The following XYLT2 variants were observed in gnomAD, a reference collection of about 807,000 sequenced individuals.
XYLT2 encodes the protein xylosyltransferase 2.
XYLT2 carries 37 observed loss-of-function variants against 82.6 expected under a neutral mutation model. That is an observed-to-expected ratio of 0.45 (90% CI 0.34 to 0.59). The LOEUF (loss-of-function observed/expected upper bound fraction) is 0.59, where lower values mean the gene tolerates loss of function less well. Among genes scored for constraint, XYLT2 ranks in the 20% least tolerant of loss-of-function variants. The pLI is 0.01. For missense variants in XYLT2, 934 were observed against 1,181.3 expected (o/e 0.79, Z 3.07); for synonymous variants, 474 against 499.0 (o/e 0.95, Z 0.67).
chr17:50,357,339 TA>T (rs1479355611), intron 9 of XYLT2, 87 bp downstream of exon 9: 10 of 1,349,642 alleles, frequency 7.4e-6, no homozygotes, highest in Non-Finnish European at 9.8e-6. Flanking sequence ...AAGGGAGGGG[TA>T]AGGTTATTTT....
At position 50,354,414 on chromosome 17, in the gene XYLT2, T is replaced by C. The variant is rs1181052888; in HGVS notation, c.635T>C (p.Met212Thr). 6.2e-7 allele frequency: 1 copy of C among 1,607,128 alleles called. No homozygotes were observed. The highest frequency in any genetic ancestry group is 1.3e-5 in the African/African-American group (1 of 74,906). The stretch of plus-strand genomic sequence containing the variant: ...GCCTGTCCTCTGCTCTCAGGGAAGA[T>C]GAGCCCCGGCATCCAGTGGGATGAG... ...VPRHCQLTGK[M>T]SPGIQWDESQ... Residue 212 changes from methionine (M) to threonine (T), a missense_variant, in exon 3 of 11, where the codon ATG (methionine) becomes ACG (threonine). Met to Thr is a moderately conservative substitution (Grantham distance 81). Around this residue, in one of 3 missense-constraint regions of XYLT2, gnomAD observed 371 missense variants for 394.9 expected, o/e 0.94. Coordinates refer to ENST00000017003, the MANE Select transcript of XYLT2 (RefSeq NM_022167.4).
At chr17:50,358,053 G>C (rs1912626411) in intron 9 of XYLT2, 154 bp from the exon 10 acceptor site, 2 of 661,446 alleles carry the variant, frequency 3.0e-6, no homozygotes, top group East Asian at 5.5e-5. Context: ...GATATTAAAG[G>C]TCTCCTAGTC....
intron 3 of XYLT2, 34 bp from the exon 4 acceptor site, chr17:50,354,820 A>G: frequency 6.2e-7 from 1 of 1,609,868 alleles, no homozygotes; most frequent in Non-Finnish European, 8.5e-7. Flanking sequence ...TGGCGATAAC[A>G]CTGGAGGCTA....
In XYLT2 at chr17:50,360,203, A is replaced by G. The variant is rs1248526435; in HGVS notation, c.2510A>G (p.Glu837Gly). ...AIGPSPCPSL[E>G]PCRLTSWSSL... ...GGCCCCTCTCCCTGCCCCTCCCTGG[A>G]GCCCTGCAGACTGACCAGCTGGAGC... The change falls in exon 11 of 11, where the codon GAG becomes GGG. Residue 837 changes from glutamate to glycine, a missense_variant. By Grantham distance (98) the Glu-to-Gly change is moderately conservative (BLOSUM62 -2). This residue lies in a region of XYLT2 where 374 missense variants were observed against 465.6 expected (regional missense o/e 0.80). Coordinates refer to ENST00000017003, the MANE Select transcript of XYLT2 (RefSeq NM_022167.4). The G allele has an allele frequency of 6.2e-7, 1 of 1,614,028 alleles. No homozygotes were observed. The highest frequency in any genetic ancestry group is 8.5e-7 in the Non-Finnish European group (1 of 1,179,972).
chr17:50,351,024 GA>G (rs1296072471), intron 1 of XYLT2, among the ~76,000 whole-genome samples: 1 of 152,178 alleles, frequency 6.6e-6, no homozygotes, highest in Non-Finnish European at 1.5e-5. Context: ...CCTGGGTGGA[GA>G]AGGGGGCATC....
intron 1 of XYLT2, among the ~76,000 whole-genome samples, chr17:50,351,639 A>G (rs1912272433): frequency 6.6e-6 from 1 of 152,160 alleles, no homozygotes. Flanking sequence ...ATCTAAAAGA[A>G]AAAAAAATGA....
chr17:50,356,961 G>C, intron 8 of XYLT2, 96 bp from the exon 9 acceptor site: 1 of 1,472,284 alleles, frequency 6.8e-7, no homozygotes, highest in Non-Finnish European at 9.1e-7. Context: ...GAAAGGAAGT[G>C]CCTGGGGATG....
rs893386692 is a variant in XYLT2 at position 50,360,849 on chromosome 17, A to G, written c.*558A>G. ...GGCTCTAAGGCCCGAAGAACAGGTG[A>G]TATCGGGGGCGCTGCAGAGCTGGGC... On this transcript the variant is annotated 3_prime_UTR_variant, in exon 11 of 11. Transcript: ENST00000017003. 1.8e-5 allele frequency: 18 copies of G among 985,720 alleles called. No individual in the cohort carries two copies. Among genetic ancestry groups the G allele is most frequent in the African/African-American group, 5.2e-5 (3 of 57,188 alleles). The allele number at this position is 985,720 out of a possible 1,614,324, so 61.1% of individuals were successfully genotyped here. A position where few individuals can be genotyped will look rare whatever the true frequency, so the allele number is the denominator to read the frequency against.
In XYLT2 at chr17:50,354,542, G is replaced by T; in HGVS notation, c.763G>T (p.Val255Phe). The T allele has an allele frequency of 6.2e-7, 1 of 1,612,688 alleles. No individual in the cohort carries two copies. Among genetic ancestry groups the T allele is most frequent in the Non-Finnish European group, 8.5e-7 (1 of 1,179,576 alleles). The part of the protein sequence containing the change: ...IRQLKRLLKA[V>F]YHEQHFFYIH... ...CCAGCTGAAGCGTCTCCTCAAGGCCGTTTATCACGAGCAGCACTTCTTTTA... is the reference window on the plus strand; with the variant it reads ...CCAGCTGAAGCGTCTCCTCAAGGCCTTTTATCACGAGCAGCACTTCTTTTA... The change falls in exon 3 of 11, where the codon GTT becomes TTT. Residue 255 changes from valine to phenylalanine, a missense_variant. Coordinates refer to ENST00000017003, the MANE Select transcript of XYLT2 (RefSeq NM_022167.4).
chr17:50,348,778 C>T (rs1912140576), intron 1 of XYLT2, among the ~76,000 whole-genome samples: 1 of 152,202 alleles, frequency 6.6e-6, no homozygotes. Flanking sequence ...GGATTTTAAT[C>T]GCCTCCTTGG....
At chr17:50,358,185 C>A in intron 9 of XYLT2, 22 bp from the exon 10 acceptor site, 1 of 1,557,218 alleles carries the variant, frequency 6.4e-7, no homozygotes, top group Non-Finnish European at 8.7e-7. Context: ...ACACTCCTGC[C>A]CAGCTGCCTC....
intron 1 of XYLT2, among the ~76,000 whole-genome samples, chr17:50,348,398 G>A (rs1331946268): frequency 6.6e-6 from 1 of 152,154 alleles, no homozygotes; most frequent in East Asian, 1.9e-4. Context: ...AGGAGGGTGT[G>A]GTGCTTTCCC....
intron 7 of XYLT2, 95 bp downstream of exon 7, chr17:50,356,356 G>T: frequency 6.4e-7 from 1 of 1,556,362 alleles, no homozygotes; most frequent in Non-Finnish European, 8.7e-7. Flanking sequence ...GAATCTGGGG[G>T]GCCACGGCCT....
intron 1 of XYLT2, among the ~76,000 whole-genome samples, chr17:50,349,916 CT>C (rs1245128263): frequency 1.3e-5 from 2 of 152,138 alleles, no homozygotes; most frequent in Admixed American, 6.6e-5. Flanking sequence ...GGTATGGTGG[CT>C]CACGCCTGTA....
At chr17:50,352,377 C>T (rs72832444) in intron 1 of XYLT2, among the ~76,000 whole-genome samples, 3,145 of 152,242 alleles carry the variant, frequency 0.021, 54 homozygotes, top group Middle Eastern at 0.054. Context: ...GCTAGGTGTC[C>T]GTGTGTGCCA....
rs1192218990 is a variant in XYLT2, at chr17:50,346,178, G to T, written c.38G>T (p.Arg13Leu). The change falls in exon 1 of 11, where the codon CGC (arginine) becomes CTC (leucine). Residue 13 changes from arginine (R) to leucine (L), a missense_variant. Physicochemically the swap from Arg to Leu is moderately radical, Grantham distance 102 (BLOSUM62 -2). This residue lies in a region of XYLT2 where 371 missense variants were observed against 394.9 expected (regional missense o/e 0.94). Coordinates refer to ENST00000017003, the MANE Select transcript of XYLT2 (RefSeq NM_022167.4). This position sits in a 1 kb window ranked among gnomAD's most constrained non-coding sequence, Gnocchi z 5.1. ...GCGCGAGTGCAGAAGCTGGTGCGGCGCTACAAGCTGGCGATTGCCACGGCG... is the reference window on the plus strand; with the variant it reads ...GCGCGAGTGCAGAAGCTGGTGCGGCTCTACAAGCTGGCGATTGCCACGGCG... ...ASARVQKLVR[R>L]YKLAIATALA... is the part of the protein sequence containing the mutation. 17 of 1,287,374 alleles carry T rather than the reference G, an allele frequency of 1.3e-5. No homozygotes were observed. Among genetic ancestry groups the T allele is most frequent in the Non-Finnish European group, 1.7e-5 (17 of 991,718 alleles). 79.7% of individuals were successfully genotyped at this position (1,287,374 alleles called of 1,614,324 possible).
rs1360929629 is a variant in XYLT2, at chr17:50,360,337, T to TA, written c.*47dup. 9 of 1,506,324 alleles carry TA rather than the reference T, an allele frequency of 6.0e-6. No individual in the cohort carries two copies. Among genetic ancestry groups the TA allele is most frequent in the Non-Finnish European group, 7.1e-6 (8 of 1,126,110 alleles). The allele number at this position is 1,506,324 out of a possible 1,614,324, so 93.3% of individuals were successfully genotyped here. On this transcript the variant is annotated 3_prime_UTR_variant, in exon 11 of 11. Transcript: ENST00000017003. ...GTGGAGGACCCGGGAAATTGCACCT[T>TA]ACAGACAGTGGAGGGGTGTCCCCTC...
Position 50,355,776 on chromosome 17 carries a change from C to G in XYLT2, c.1089-5C>G. Reference sequence around the variant, plus strand: ...CCCCAGCCATGGCCTCTCTGCTGCCCACAGGTTCATCAAGAAACAGGGCCT... The same window carrying G: ...CCCCAGCCATGGCCTCTCTGCTGCCGACAGGTTCATCAAGAAACAGGGCCT... On this transcript the variant is annotated splice_polypyrimidine_tract_variant and splice_region_variant and intron_variant, in intron 5 of 10. Coordinates refer to ENST00000017003, the MANE Select transcript of XYLT2 (RefSeq NM_022167.4). 6.2e-7 allele frequency: 1 copy of G among 1,614,084 alleles called. No homozygotes were observed. The highest frequency in any genetic ancestry group is 8.5e-7 in the Non-Finnish European group (1 of 1,180,000).
Position 50,358,243 on chromosome 17 carries a change from C to A in XYLT2, c.1978C>A (p.Arg660=), listed in dbSNP as rs761317517. ...TDWDPKERLF[R]NFGGLLGPLD... ...TTGGGACCCCAAAGAGCGTCTTTTC[C>A]GGAACTTTGGGGGGTTACTGGGGCC... The change falls in exon 10 of 11, where the codon CGG becomes AGG. Residue 660 remains arginine (R), a synonymous_variant. Coordinates refer to ENST00000017003, the MANE Select transcript of XYLT2 (RefSeq NM_022167.4). 6.2e-7 allele frequency: 1 copy of A among 1,610,712 alleles called. No individual in the cohort carries two copies. Among genetic ancestry groups the A allele is most frequent in the Admixed American group, 1.7e-5 (1 of 59,758 alleles).
Sources: gnomAD v4.1 joint callset for allele counts (sites outside exome capture counted in the v4.1 genomes callset) on GRCh38, gnomAD v4.1.1 for gene constraint, gnomAD v4.1.1 regional missense constraint, Gnocchi (gnomAD v3.1) non-coding constraint, MANE v1.5 for transcripts, NCBI Gene and HGNC (gene_info 2026-07-23, HGNC 2026-07-21) for gene names.